The following MAPK8IP3 variants were observed in gnomAD, a reference collection of about 807,000 sequenced individuals.
MAPK8IP3 encodes the protein mitogen-activated protein kinase 8 interacting protein 3.
MAPK8IP3 carries 49 observed loss-of-function variants against 157.8 expected under a neutral mutation model. That is an observed-to-expected ratio of 0.31 (90% confidence interval 0.25 to 0.39). The LOEUF (loss-of-function observed/expected upper bound fraction) is 0.39. Ranked by LOEUF, MAPK8IP3 falls within the 10% of genes least tolerant of loss-of-function variation. The pLI is 1.00. For missense variants in MAPK8IP3, 1,478 were observed against 1,889.4 expected, an observed-to-expected ratio of 0.78 and a Z score of 4.04; for synonymous variants, 897 against 777.7, an observed-to-expected ratio of 1.15 and a Z score of -2.55.
intron 1 of MAPK8IP3, among the ~76,000 whole-genome samples, chr16:1,719,686 A>AAAC (rs1487486932): frequency 3.3e-4 from 50 of 151,372 alleles, no homozygotes; most frequent in African/African-American, 1.1e-3. Flanking sequence ...AAAAAAAAAA[A>AAAC]ACCACAAAAA....
In MAPK8IP3 at chr16:1,764,125, A is replaced by G. The variant is rs760191354; in HGVS notation, c.2036A>G (p.Asn679Ser). Residue 679 changes from asparagine to serine, a missense_variant, in exon 18 of 32, where the codon AAC becomes AGC. Asn to Ser is a conservative substitution (Grantham distance 46). This residue lies in a region of MAPK8IP3 where 669 missense variants were observed against 759.8 expected (regional missense o/e 0.88). Coordinates refer to ENST00000610761, the MANE Select transcript of MAPK8IP3 (RefSeq NM_001318852.2). Reference sequence around the variant, plus strand: ...CCCTGCTCCCTGCAGCTGAGTCCCAACGGGGGCCAGGAGGACACGCGGATG... The same window carrying G: ...CCCTGCTCCCTGCAGCTGAGTCCCAGCGGGGGCCAGGAGGACACGCGGATG... ...LPAKYKQLSP[N>S]GGQEDTRMKN... 1.5e-5 allele frequency: 24 copies of G among 1,609,322 alleles called. No homozygotes were observed. Among genetic ancestry groups the G allele is most frequent in the South Asian group, 5.5e-5 (5 of 90,868 alleles).
intron 24 of MAPK8IP3, 33 bp from the exon 25 acceptor site, chr16:1,766,871 G>A: frequency 6.2e-7 from 1 of 1,609,940 alleles, no homozygotes; most frequent in South Asian, 1.1e-5. Flanking sequence ...GCACAGCCTG[G>A]CCCAAACCAG....
At chr16:1,722,743 C>T (rs372980019) in intron 1 of MAPK8IP3, among the ~76,000 whole-genome samples, 1 of 152,050 alleles carries the variant, frequency 6.6e-6, no homozygotes, top group African/African-American at 2.4e-5. Flanking sequence ...CTCGCTCTGT[C>T]GCCCAGGCTG....
At chr16:1,715,832 G>C (rs1457974041) in intron 1 of MAPK8IP3, among the ~76,000 whole-genome samples, 2 of 151,682 alleles carry the variant, frequency 1.3e-5, no homozygotes, top group Non-Finnish European at 2.9e-5. Flanking sequence ...GGGTTCAAGC[G>C]ATTCTGCCTC....
At chr16:1,760,222 T>C in intron 11 of MAPK8IP3, 158 bp from the exon 12 acceptor site, 1 of 1,032,356 alleles carries the variant, frequency 9.7e-7, no homozygotes. Context: ...AAGGGTGCTA[T>C]AGGGTTTAGC....
intron 4 of MAPK8IP3, among the ~76,000 whole-genome samples, chr16:1,737,085 CGT>C (rs1429803624): frequency 1.7e-5 from 1 of 58,112 alleles, no homozygotes; most frequent in Non-Finnish European, 3.2e-5. Flanking sequence ...TGTGACCGTC[CGT>C]GTGAGTGTGA....
At chr16:1,722,940 A>T (rs2038627666) in intron 1 of MAPK8IP3, among the ~76,000 whole-genome samples, 2 of 151,880 alleles carry the variant, frequency 1.3e-5, no homozygotes, top group South Asian at 4.2e-4. Flanking sequence ...TGACCTCGTG[A>T]TCCGCCTGCC....
intron 8 of MAPK8IP3, among the ~76,000 whole-genome samples, chr16:1,756,812 A>AC (rs1164922126): frequency 6.6e-6 from 1 of 152,048 alleles, no homozygotes; most frequent in Non-Finnish European, 1.5e-5. Flanking sequence ...ACAGAGTGAG[A>AC]CCCCGTCTCA....
At chr16:1,763,254 CA>C (rs2042056173) in intron 16 of MAPK8IP3, among the ~76,000 whole-genome samples, 1 of 152,246 alleles carries the variant, frequency 6.6e-6, no homozygotes, top group Non-Finnish European at 1.5e-5. Context: ...CACCAACAGT[CA>C]GGGGGCTGTG....
In MAPK8IP3 at chr16:1,743,388, G is replaced by T. The variant is rs201393775; in HGVS notation, c.659G>T (p.Arg220Leu). The change falls in exon 5 of 32, where the codon CGT (arginine) becomes CTT (leucine). Residue 220 changes from arginine to leucine, a missense_variant. This residue lies in a region of MAPK8IP3 where 315 missense variants were observed against 394.4 expected (regional missense o/e 0.80). Coordinates refer to ENST00000610761, the MANE Select transcript of MAPK8IP3 (RefSeq NM_001318852.2). The surrounding 1 kb of genome is among the most constrained non-coding windows in gnomAD (Gnocchi z 5.6). Reference protein sequence around the residue: ...NVFPLADGTVRAQIGGKLVPA... With the variant: ...NVFPLADGTVLAQIGGKLVPA... ...TTCCCCCTGGCTGACGGCACGGTAC[G>T]TGCACAGATCGGGGGCAAGCTCGTG... 6.2e-7 allele frequency: 1 copy of T among 1,608,268 alleles called. No homozygotes were observed. The highest frequency in any genetic ancestry group is 8.5e-7 in the Non-Finnish European group (1 of 1,177,766).
chr16:1,734,193 T>C (rs2039502811), intron 4 of MAPK8IP3, among the ~76,000 whole-genome samples: 1 of 152,252 alleles, frequency 6.6e-6, no homozygotes, highest in Non-Finnish European at 1.5e-5. Context: ...TGAGAAGACG[T>C]TGGCCCTGCG....
chr16:1,764,352 G>C lies in MAPK8IP3; in HGVS notation c.2173G>C (p.Asp725His). Residue 725 changes from aspartate to histidine, a missense_variant, in exon 19 of 32, where the codon GAC (aspartate) becomes CAC (histidine). Physicochemically the swap from Asp to His is moderately conservative, Grantham distance 81 (BLOSUM62 -1). Around this residue, in one of 11 missense-constraint regions of MAPK8IP3, gnomAD observed 669 missense variants for 759.8 expected, o/e 0.88. Coordinates refer to ENST00000610761, the MANE Select transcript of MAPK8IP3 (RefSeq NM_001318852.2). Reference sequence around the variant, plus strand: ...GAGCGGGTGGAGGCCCAATGAGGACGACGCTGGGAATGGAGTCAAGCCAGC... The same window carrying C: ...GAGCGGGTGGAGGCCCAATGAGGACCACGCTGGGAATGGAGTCAAGCCAGC... ...NLSGWRPNEDDAGNGVKPAPG... is the reference protein window; with the variant it reads ...NLSGWRPNEDHAGNGVKPAPG... 1.3e-6 allele frequency: 2 copies of C among 1,580,798 alleles called. No individual in the cohort carries two copies. The highest frequency in any genetic ancestry group is 1.7e-6 in the Non-Finnish European group (2 of 1,164,682).
At chr16:1,734,653 G>T (rs2141763520) in intron 4 of MAPK8IP3, among the ~76,000 whole-genome samples, 1 of 152,380 alleles carries the variant, frequency 6.6e-6, no homozygotes, top group African/African-American at 2.4e-5. Flanking sequence ...CTGGGCAGTT[G>T]AGCTGGAAGG....
chr16:1,743,592 C>G lies in MAPK8IP3; in HGVS notation c.747+116C>G, dbSNP rs932621988. On this transcript the variant is annotated intron_variant, in intron 5 of 31. Transcript: ENST00000610761. This position sits in a 1 kb window ranked among gnomAD's most constrained non-coding sequence, Gnocchi z 5.6. ...TTCACGGCTCTCTGGGCCACTCGCC[C>G]TCTCCCTTCGTGTGTGGCAGGATGG... 2 of 1,478,010 alleles carry G rather than the reference C, an allele frequency of 1.4e-6. No individual in the cohort carries two copies. Among genetic ancestry groups the G allele is most frequent in the East Asian group, 2.7e-5 (1 of 36,456 alleles). The allele number at this position is 1,478,010 out of a possible 1,614,324, so 91.6% of individuals were successfully genotyped here.
In MAPK8IP3 at chr16:1,768,735, G is replaced by C; in HGVS notation, c.3925G>C (p.Ala1309Pro). The change falls in exon 32 of 32, where the codon GCA becomes CCA. Residue 1309 changes from alanine (A) to proline (P), a missense_variant. By Grantham distance (27) the Ala-to-Pro change is conservative. Transcript: ENST00000610761. ...DGEDDETEEG[A>P]GDMSQVKPVL... ...AGAGGACGACGAGACGGAGGAGGGCGCAGGGGACATGAGCCAGGTGAAGCC... is the reference window on the plus strand; with the variant it reads ...AGAGGACGACGAGACGGAGGAGGGCCCAGGGGACATGAGCCAGGTGAAGCC... 1 of 1,612,742 alleles carries C rather than the reference G, an allele frequency of 6.2e-7. No homozygotes were observed. The highest frequency in any genetic ancestry group is 8.5e-7 in the Non-Finnish European group (1 of 1,179,850).
intron 3 of MAPK8IP3, 129 bp from the exon 4 acceptor site, chr16:1,729,358 G>T (rs2039131338): frequency 7.9e-7 from 1 of 1,258,448 alleles, no homozygotes; most frequent in East Asian, 2.4e-5. Flanking sequence ...CCCCAGGCTG[G>T]TTAGATTCCC....
chr16:1,765,966 G>T lies in MAPK8IP3; in HGVS notation c.2453G>T (p.Ser818Ile). The part of the protein sequence containing the change: ...VLCISSIPAA[S>I]DSDYPPGEMF... ...GGGCCGTCCCTCTCCCCAGCGGCCAGCGACAGCGACTACCCTCCCGGGGAG... is the reference window on the plus strand; with the variant it reads ...GGGCCGTCCCTCTCCCCAGCGGCCATCGACAGCGACTACCCTCCCGGGGAG... The change falls in exon 21 of 32, where the codon AGC (serine) becomes ATC (isoleucine). Residue 818 changes from serine to isoleucine, a missense_variant. Coordinates refer to ENST00000610761, the MANE Select transcript of MAPK8IP3 (RefSeq NM_001318852.2). The T allele has an allele frequency of 6.2e-7, 1 of 1,611,182 alleles. No individual in the cohort carries two copies. The highest frequency in any genetic ancestry group is 8.5e-7 in the Non-Finnish European group (1 of 1,179,058).
rs1009496203 is a variant in MAPK8IP3 at position 1,724,234 on chromosome 16, G to T, written c.319-323G>T. On this transcript the variant is annotated intron_variant, in intron 1 of 31. Transcript: ENST00000610761. The surrounding 1 kb of genome is among the most constrained non-coding windows in gnomAD (Gnocchi z 4.1). ...AGTGCAGGGCCCCGCATTGCTGCCC[G>T]GGTCTCATGCAGCCACGAAGGCAGC... Among the ~76,000 whole-genome samples the T allele has an allele frequency of 6.6e-6, 1 of 152,224 alleles. No individual in the cohort carries two copies. Among genetic ancestry groups the T allele is most frequent in the Non-Finnish European group, 1.5e-5 (1 of 68,034 alleles).
At chr16:1,749,154 T>G (rs1282472177) in intron 8 of MAPK8IP3, among the ~76,000 whole-genome samples, 1 of 152,208 alleles carries the variant, frequency 6.6e-6, no homozygotes, top group Non-Finnish European at 1.5e-5. Context: ...CATGCAGAAC[T>G]CGTGGGTATT....
Sources: allele counts gnomAD v4.1 joint callset (sites outside exome capture counted in the v4.1 genomes callset), GRCh38; gene constraint gnomAD v4.1.1; regional missense constraint gnomAD v4.1.1; non-coding constraint Gnocchi (gnomAD v3.1); transcripts MANE v1.5; gene names NCBI Gene and HGNC (gene_info 2026-07-23, HGNC 2026-07-21).